The following RASL11B variants were observed in gnomAD, a reference collection of about 807,000 sequenced individuals.
The protein encoded by RASL11B is RAS like family 11 member B.
Under a neutral mutation model 22.9 loss-of-function variants are expected in RASL11B, and 14 were observed. That is an observed-to-expected ratio of 0.61 (90% CI 0.40 to 0.96). The LOEUF is 0.96. Among genes scored for constraint, RASL11B ranks in the 40% least tolerant of loss-of-function variants. The pLI is 0.00. For missense variants in RASL11B, 261 were observed against 322.0 expected (o/e 0.81, Z 1.45); for synonymous variants, 143 against 130.2 (o/e 1.10, Z -0.67).
At position 52,865,692 on chromosome 4, in the gene RASL11B, G is replaced by A. The variant is rs773126778; in HGVS notation, c.634G>A (p.Glu212Lys). ...SHKQQPSSTP[E>K]KRRTSLIPRP... ...CAAACAGCAGCCTAGCAGTACACCC[G>A]AGAAGCGAAGAACCTCCCTCATTCC... is the stretch of plus-strand genomic sequence containing the variant. Residue 212 changes from glutamate to lysine, a missense_variant, in exon 4 of 4, where the codon GAG becomes AAG. By Grantham distance (56) the Glu-to-Lys change is moderately conservative. Transcript: ENST00000248706. The A allele has an allele frequency of 5.0e-6, 8 of 1,614,134 alleles. No individual in the cohort carries two copies. The highest frequency in any genetic ancestry group is 5.9e-6 in the Non-Finnish European group (7 of 1,180,024).
chr4:52,863,469 T>G, intron 2 of RASL11B, 145 bp downstream of exon 2: 1 of 665,484 alleles, frequency 1.5e-6, no homozygotes, highest in Non-Finnish European at 2.7e-6. Context: ...TCCCCAGCCC[T>G]CCATGGCGCC....
rs1488854697 is a variant in RASL11B, at chr4:52,864,527, T to G, written c.249T>G (p.Leu83=). ...AGATAGAAGGTGAAACCCTGGCTCTTCAGGTTCAAGACACTCCAGGTATTC... is the reference window on the plus strand; with the variant it reads ...AGATAGAAGGTGAAACCCTGGCTCTGCAGGTTCAAGACACTCCAGGTATTC... ...QVQIEGETLA[L]QVQDTPGIQV... The change falls in exon 3 of 4, where the codon CTT becomes CTG. Residue 83 remains leucine (L), a synonymous_variant. Transcript: ENST00000248706. 2 of 1,611,284 alleles carry G rather than the reference T, an allele frequency of 1.2e-6. No homozygotes were observed.
At chr4:52,863,426 C>A in intron 2 of RASL11B, 102 bp downstream of exon 2, 1 of 939,652 alleles carries the variant, frequency 1.1e-6, no homozygotes, top group Non-Finnish European at 1.7e-6. Flanking sequence ...ACAGTCCGAG[C>A]CTGAGGATCC....
chr4:52,863,858 G>T (rs1048159070), intron 2 of RASL11B, among the ~76,000 whole-genome samples: 1 of 152,186 alleles, frequency 6.6e-6, no homozygotes, highest in African/African-American at 2.4e-5. Flanking sequence ...CAATCCTTAT[G>T]ATTAAGAATA....
chr4:52,865,227 T>C, intron 3 of RASL11B, 108 bp from the exon 4 acceptor site: 1 of 822,346 alleles, frequency 1.2e-6, no homozygotes, highest in East Asian at 2.6e-5. Context: ...TTTATGGCCC[T>C]CAACCTGGCA....
chr4:52,863,411 C>A, intron 2 of RASL11B, 87 bp downstream of exon 2: 2 of 1,116,972 alleles, frequency 1.8e-6, no homozygotes, highest in Non-Finnish European at 2.7e-6. Context: ...GAGGTTCTTT[C>A]AGTGACAGTC....
rs1326377815 is a variant in RASL11B at position 52,864,503 on chromosome 4, G to C, written c.225G>C (p.Gln75His). The change falls in exon 3 of 4, where the codon CAG becomes CAC. Residue 75 changes from glutamine (Q) to histidine (H), a missense_variant. Gln to His is a conservative substitution (Grantham distance 24). Transcript: ENST00000248706. ...GTAATCTCTATACTAGACAAGTTCAGATAGAAGGTGAAACCCTGGCTCTTC... is the reference window on the plus strand; with the variant it reads ...GTAATCTCTATACTAGACAAGTTCACATAGAAGGTGAAACCCTGGCTCTTC... ...NAGNLYTRQVQIEGETLALQV... is the reference protein window; with the variant it reads ...NAGNLYTRQVHIEGETLALQV... 1.9e-6 allele frequency: 3 copies of C among 1,608,256 alleles called. No individual in the cohort carries two copies. Among genetic ancestry groups the C allele is most frequent in the Non-Finnish European group, 2.6e-6 (3 of 1,174,736 alleles).
chr4:52,863,485 C>G lies in RASL11B; in HGVS notation c.199+161C>G, dbSNP rs1718201145. On this transcript the variant is annotated intron_variant, in intron 2 of 3. Transcript: ENST00000248706. ...CCCCAGCCCTCCATGGCGCCCCCCT[C>G]CCATAACTACCATCTGGCCTCATTC... is the stretch of plus-strand genomic sequence containing the variant. 34 of 639,642 alleles carry G rather than the reference C, an allele frequency of 5.3e-5. No homozygotes were observed. The South Asian group carries it at 6.0e-4, about 11-fold the overall frequency. The allele number at this position is 639,642 out of a possible 1,614,324, so 39.6% of individuals were successfully genotyped here. A position where few individuals can be genotyped will look rare whatever the true frequency, so the allele number is the denominator to read the frequency against.
rs1560463763 is a variant in RASL11B at position 52,864,419 on chromosome 4, CAA to C, written c.200-58_200-57del. Reference sequence around the variant, plus strand: ...CATTTTTTTTCTAGCTTAAAACTCACAATGTTTTAAAAGTTGTACAAGAAGGA... The same window carrying C: ...CATTTTTTTTCTAGCTTAAAACTCACTGTTTTAAAAGTTGTACAAGAAGGA... On this transcript the variant is annotated intron_variant, in intron 2 of 3. Coordinates refer to ENST00000248706, the MANE Select transcript of RASL11B (RefSeq NM_023940.3). 7.3e-6 allele frequency: 8 copies of C among 1,093,300 alleles called. 1 individual carries two copies. Among genetic ancestry groups the C allele is most frequent in the Non-Finnish European group, 9.8e-6 (7 of 715,456 alleles). The allele number at this position is 1,093,300 out of a possible 1,614,324, so 67.7% of individuals were successfully genotyped here.
At chr4:52,865,226 C>G in intron 3 of RASL11B, 109 bp from the exon 4 acceptor site, 2 of 813,744 alleles carry the variant, frequency 2.5e-6, no homozygotes, top group Admixed American at 2.8e-5. Flanking sequence ...GTTTATGGCC[C>G]TCAACCTGGC....
chr4:52,864,431 A>G, intron 2 of RASL11B, 47 bp from the exon 3 acceptor site: 1 of 1,217,118 alleles, frequency 8.2e-7, no homozygotes, highest in Non-Finnish European at 1.2e-6. Flanking sequence ...ATGTTTTAAA[A>G]GTTGTACAAG....
chr4:52,862,683 TG>T, intron 1 of RASL11B, 34 bp downstream of exon 1: 1 of 1,515,634 alleles, frequency 6.6e-7, no homozygotes, highest in Middle Eastern at 1.8e-4. Flanking sequence ...GGTCTGGTCT[TG>T]GACGACCCCT....
intron 1 of RASL11B, among the ~76,000 whole-genome samples, chr4:52,863,007 G>A (rs1488586778): frequency 6.6e-6 from 1 of 152,174 alleles, no homozygotes; most frequent in Non-Finnish European, 1.5e-5. Flanking sequence ...TCTACTGGAA[G>A]GCTTAGGTGT....
At position 52,862,569 on chromosome 4, in the gene RASL11B, C is replaced by G. The variant is rs1329698988; in HGVS notation, c.62C>G (p.Ala21Gly). 1 of 1,604,016 alleles carries G rather than the reference C, an allele frequency of 6.2e-7. No individual in the cohort carries two copies. Among genetic ancestry groups the G allele is most frequent in the Non-Finnish European group, 8.5e-7 (1 of 1,177,190 alleles). ...TACCCCGCGCCGGGCAACGCCGCGGCCTCCGACTGCTGTGTGGGCGCCGCC... is the reference window on the plus strand; with the variant it reads ...TACCCCGCGCCGGGCAACGCCGCGGGCTCCGACTGCTGTGTGGGCGCCGCC... ...AEYPAPGNAAASDCCVGAAGR... is the reference protein window; with the variant it reads ...AEYPAPGNAAGSDCCVGAAGR... Residue 21 changes from alanine (A) to glycine (G), a missense_variant, in exon 1 of 4, where the codon GCC becomes GGC. Transcript: ENST00000248706.
At chr4:52,863,868 A>G (rs1297708435) in intron 2 of RASL11B, among the ~76,000 whole-genome samples, 1 of 152,264 alleles carries the variant, frequency 6.6e-6, no homozygotes, top group African/African-American at 2.4e-5. Flanking sequence ...GATTAAGAAT[A>G]GCCACTGGGG....
At chr4:52,864,322 TA>T in intron 2 of RASL11B, 155 bp from the exon 3 acceptor site, 3 of 575,262 alleles carry the variant, frequency 5.2e-6, no homozygotes, top group South Asian at 2.8e-5. Context: ...TGTTGTTTTT[TA>T]AAAAAAATCT....
chr4:52,863,888 A>G (rs1321986528), intron 2 of RASL11B, among the ~76,000 whole-genome samples: 3 of 152,242 alleles, frequency 2.0e-5, no homozygotes, highest in Admixed American at 2.0e-4. Flanking sequence ...GAGGCTTAAG[A>G]GCTTTCTGCC....
intron 1 of RASL11B, among the ~76,000 whole-genome samples, chr4:52,862,999 T>G (rs3811781): frequency 0.17 from 26,210 of 152,134 alleles, 2,446 homozygotes; most frequent in African/African-American, 0.23. Context: ...GACATGGGTC[T>G]ACTGGAAGGC....
chr4:52,864,006 CTGATT>C (rs1430155118), intron 2 of RASL11B: 8 of 162,096 alleles, frequency 4.9e-5, no homozygotes, highest in Non-Finnish European at 9.4e-5. Context: ...TGGCAGCCTT[CTGATT>C]TGATGTAGAG....
Sources: gnomAD v4.1 joint callset for allele counts (sites outside exome capture counted in the v4.1 genomes callset) on GRCh38, gnomAD v4.1.1 for gene constraint, MANE v1.5 for transcripts, NCBI Gene and HGNC (gene_info 2026-07-23, HGNC 2026-07-21) for gene names.